Variants in FAM9B observed in about 807,000 individuals in gnomAD.
The protein encoded by FAM9B is family with sequence similarity 9 member B, also known as protein FAM9B.
A neutral mutation model predicts 16.6 loss-of-function variants in FAM9B; 18 were observed. The ratio of observed to expected loss-of-function variants is 1.09; its 90% CI spans 0.75 to 1.61. FAM9B has a LOEUF of 1.61. Among genes scored for constraint, FAM9B ranks in the 40% most tolerant of loss-of-function variants. FAM9B has a pLI of 0.00. For missense variants in FAM9B, 155 were observed against 136.0 expected, an observed-to-expected ratio of 1.14 and a Z score of -0.70; for synonymous variants, 43 against 42.6, an observed-to-expected ratio of 1.01 and a Z score of -0.03.
At position 9,025,249 on chromosome X, in the gene FAM9B, C is replaced by T; in HGVS notation, c.*160G>A. The T allele has an allele frequency of 4.1e-6, 1 of 241,144 alleles. No homozygotes were observed. The highest frequency in any genetic ancestry group is 7.3e-6 in the Non-Finnish European group (1 of 136,559). The allele number at this position is 241,144 out of a possible 1,213,427, so 19.9% of individuals were successfully genotyped here. On this transcript the variant is annotated 3_prime_UTR_variant, in exon 9 of 9. Transcript: ENST00000327220. Reference sequence around the variant, plus strand: ...CCGATTTATACAACAATTATCAAAACACTGTCATGTAGTTTACTGTAGCTC... The same window carrying T: ...CCGATTTATACAACAATTATCAAAATACTGTCATGTAGTTTACTGTAGCTC...
At chrX:9,025,653 A>C in intron 7 of FAM9B, 70 bp from the exon 8 acceptor site, 2 of 841,015 alleles carry the variant, frequency 2.4e-6, no homozygotes, top group Non-Finnish European at 3.4e-6. Context: ...GGGTTAATTA[A>C]ATGTCAAAAG....
chrX:9,028,476 G>A (rs775328017), intron 6 of FAM9B, among the ~76,000 whole-genome samples: 1 of 110,901 alleles, frequency 9.0e-6, no homozygotes, highest in Admixed American at 9.7e-5. Context: ...CCTAGATTTT[G>A]TCATTCCCAA....
At chrX:9,028,146 G>A (rs1288694291) in intron 6 of FAM9B, among the ~76,000 whole-genome samples, 180 bp from the exon 7 acceptor site, 1 of 112,002 alleles carries the variant, frequency 8.9e-6, no homozygotes, top group African/African-American at 3.2e-5. Context: ...CTAAAATGAT[G>A]TATTAACCTT....
intron 1 of FAM9B, 82 bp downstream of exon 1, chrX:9,033,770 G>A (rs895837679): frequency 2.2e-4 from 161 of 741,243 alleles, no homozygotes; most frequent in Non-Finnish European, 2.4e-4. Flanking sequence ...CTCACAGGTC[G>A]GCGGGCTGCC....
intron 1 of FAM9B, 25 bp from the exon 2 acceptor site, chrX:9,033,100 G>A (rs1179741610): frequency 7.5e-6 from 9 of 1,198,343 alleles, no homozygotes; most frequent in South Asian, 1.8e-5. Context: ...GACACACTAA[G>A]GAAGCTAAGG....
chrX:9,032,630 T>C, intron 2 of FAM9B, 169 bp from the exon 3 acceptor site: 1 of 803,489 alleles, frequency 1.2e-6, no homozygotes, highest in South Asian at 2.8e-5. Flanking sequence ...GACCATTTTA[T>C]CGAGGGACTT....
At chrX:9,027,007 T>C (rs1439018208) in intron 7 of FAM9B, among the ~76,000 whole-genome samples, 1 of 111,857 alleles carries the variant, frequency 8.9e-6, no homozygotes, top group Non-Finnish European at 1.9e-5. Context: ...TTTCCAAGGT[T>C]ATTAAAAAGA....
chrX:9,032,191 C>A, intron 3 of FAM9B, 30 bp from the exon 4 acceptor site: 1 of 1,199,475 alleles, frequency 8.3e-7, no homozygotes, highest in Admixed American at 2.3e-5. Flanking sequence ...AAAATTTTAA[C>A]AAAATACTAC....
rs5979011 is a variant in FAM9B, at chrX:9,033,733, C to T, written c.-90+119G>A. 9 of 739,471 alleles carry T rather than the reference C, an allele frequency of 1.2e-5. No homozygotes were observed. The Admixed American group carries it at 7.8e-4, about 64-fold the overall frequency. 60.9% of individuals were successfully genotyped at this position (739,471 alleles called of 1,213,427 possible). A position where few individuals can be genotyped will look rare whatever the true frequency, so the allele number is the denominator to read the frequency against. On this transcript the variant is annotated intron_variant, in intron 1 of 8. Transcript: ENST00000327220. ...CTCAGGGCCTCGCCCTGACCCAGGC[C>T]CCAGGCGACGACGCTGGGGCCATTT...
chrX:9,033,463 A>G lies in FAM9B; in HGVS notation c.-89-388T>C. 9.3e-6 allele frequency: 6 copies of G among 647,940 alleles called. No homozygotes were observed. The South Asian group carries it at 2.4e-4, about 26-fold the overall frequency. The allele number at this position is 647,940 out of a possible 1,213,427, so 53.4% of individuals were successfully genotyped here. Reference sequence around the variant, plus strand: ...GCTGCACTGCCACTCGCCCCCCTGGACGCACAGGGGACCCCCGGTGACCCC... The same window carrying G: ...GCTGCACTGCCACTCGCCCCCCTGGGCGCACAGGGGACCCCCGGTGACCCC... On this transcript the variant is annotated intron_variant, in intron 1 of 8. Coordinates refer to ENST00000327220, the MANE Select transcript of FAM9B (RefSeq NM_205849.3).
rs902114625 is a variant in FAM9B at position 9,033,197 on chromosome X, G to T, written c.-89-122C>A. Reference sequence around the variant, plus strand: ...CGCCCTGGGTCTCATGTGGGAGCAGGAAGGGACGGAAAAGATGCCAGTGTC... The same window carrying T: ...CGCCCTGGGTCTCATGTGGGAGCAGTAAGGGACGGAAAAGATGCCAGTGTC... On this transcript the variant is annotated intron_variant, in intron 1 of 8. Coordinates refer to ENST00000327220, the MANE Select transcript of FAM9B (RefSeq NM_205849.3). 11 of 1,138,234 alleles carry T rather than the reference G, an allele frequency of 9.7e-6. No individual in the cohort carries two copies. The African/African-American group carries it at 1.8e-4, about 19-fold the overall frequency. 93.8% of individuals were successfully genotyped at this position (1,138,234 alleles called of 1,213,427 possible). A position where few individuals can be genotyped will look rare whatever the true frequency, so the allele number is the denominator to read the frequency against.
chrX:9,033,770 G>T (rs895837679), intron 1 of FAM9B, 82 bp downstream of exon 1: 3 of 741,243 alleles, frequency 4.0e-6, no homozygotes, highest in Non-Finnish European at 4.7e-6. Context: ...CTCACAGGTC[G>T]GCGGGCTGCC....
intron 7 of FAM9B, among the ~76,000 whole-genome samples, chrX:9,025,919 G>A (rs1169950599): frequency 9.0e-6 from 1 of 111,188 alleles, no homozygotes; most frequent in Non-Finnish European, 1.9e-5. Flanking sequence ...TTTTTCAGCA[G>A]GTAGCGACCC....
chrX:9,026,962 C>T (rs775378132), intron 7 of FAM9B, among the ~76,000 whole-genome samples: 1 of 111,501 alleles, frequency 9.0e-6, no homozygotes, highest in Non-Finnish European at 1.9e-5. Context: ...TAACACATCT[C>T]AGTTAGTGTA....
intron 5 of FAM9B, 21 bp downstream of exon 5, chrX:9,030,240 C>CA (rs1662595281): frequency 8.5e-7 from 1 of 1,173,094 alleles, no homozygotes; most frequent in Admixed American, 2.5e-5. Flanking sequence ...TATCATTATG[C>CA]AAAAAAGCCA....
chrX:9,031,964 G>A (rs778752883), intron 4 of FAM9B, 166 bp downstream of exon 4: 12 of 424,887 alleles, frequency 2.8e-5, no homozygotes, highest in Non-Finnish European at 4.7e-5. Flanking sequence ...CAATCAAAAA[G>A]GTAAGAAAAA....
At chrX:9,032,556 G>A (rs879003606) in intron 2 of FAM9B, 95 bp from the exon 3 acceptor site, 8 of 585,376 alleles carry the variant, frequency 1.4e-5, no homozygotes, top group East Asian at 6.3e-5. Context: ...ACTTTTTTGG[G>A]GGGGGGGGGC....
Position 9,024,970 on chromosome X carries a change from C to T in FAM9B, c.*439G>A. 8.9e-6 allele frequency: 1 copy of T among 112,866 alleles called. No individual in the cohort carries two copies. Among genetic ancestry groups the T allele is most frequent in the South Asian group, 3.6e-4 (1 of 2,755 alleles). 9.3% of individuals were successfully genotyped at this position (112,866 alleles called of 1,213,427 possible). ...GTGCTGGGATTACAGGCGTGAGCCA[C>T]CACACCCAGCAGATATTGTCTTCTT... On this transcript the variant is annotated 3_prime_UTR_variant, in exon 9 of 9. Transcript: ENST00000327220.
At position 9,024,263 on chromosome X, in the gene FAM9B, C is replaced by T. The variant is rs1165073718; in HGVS notation, c.*1146G>A. The stretch of plus-strand genomic sequence containing the variant: ...TCAAGTTTTTAGATGTCCATATAAA[C>T]TTCCACATAATCCACGAATATTAAA... On this transcript the variant is annotated 3_prime_UTR_variant, in exon 9 of 9. Transcript: ENST00000327220. 9.0e-6 allele frequency: 1 copy of T among 111,372 alleles called. No individual in the cohort carries two copies. The highest frequency in any genetic ancestry group is 3.3e-5 in the African/African-American group (1 of 30,656). 9.2% of individuals were successfully genotyped at this position (111,372 alleles called of 1,213,427 possible).
Sources: gnomAD v4.1 joint callset for allele counts (sites outside exome capture counted in the v4.1 genomes callset) on GRCh38, gnomAD v4.1.1 for gene constraint, MANE v1.5 for transcripts, NCBI Gene and HGNC (gene_info 2026-07-23, HGNC 2026-07-21) for gene names.